ASPH: variants seen among roughly 807,000 people sequenced by gnomAD.
ASPH encodes the protein aspartyl/asparaginyl beta-hydroxylase.
ASPH carries 100 observed loss-of-function variants against 118.4 expected under a neutral mutation model. The observed-to-expected ratio is 0.84, with a 90% CI of 0.72 to 1.00. The LOEUF (loss-of-function observed/expected upper bound fraction) is 1.00, where lower values mean the gene tolerates loss of function less well. Among genes scored for constraint, ASPH ranks in the 50% least tolerant of loss-of-function variants. The probability of loss-of-function intolerance (pLI) is 0.00; values close to 1 mark genes in which losing one functional copy is unlikely to be tolerated. For missense variants in ASPH, 920 were observed against 919.5 expected (o/e 1.00, Z -0.01); for synonymous variants, 315 against 325.6 (o/e 0.97, Z 0.35).
intron 14 of ASPH, among the ~76,000 whole-genome samples, chr8:61,600,054 C>G (rs758108193): frequency 6.6e-6 from 1 of 152,018 alleles, no homozygotes; most frequent in Admixed American, 6.5e-5. Flanking sequence ...TAAAAAATAA[C>G]AGACCATGAT....
intron 14 of ASPH, among the ~76,000 whole-genome samples, chr8:61,602,497 A>G (rs1391903058): frequency 6.6e-6 from 1 of 151,406 alleles, no homozygotes; most frequent in African/African-American, 2.5e-5. Flanking sequence ...ACAATACTAA[A>G]CGGTAACAGA....
At chr8:61,685,949 A>T (rs1258256603) in intron 1 of ASPH, among the ~76,000 whole-genome samples, 2 of 152,058 alleles carry the variant, frequency 1.3e-5, no homozygotes, top group Non-Finnish European at 2.9e-5. Context: ...TTGTATTTTT[A>T]GTAGAGACAG....
In ASPH at chr8:61,695,847, C is replaced by T. The variant is rs73269267; in HGVS notation, c.104-11659G>A. The stretch of plus-strand genomic sequence containing the variant: ...TATGGTATGAGTAATCAAACTTCTT[C>T]TGCTAACACTTTAGAAATAAGGGAG... On this transcript the variant is annotated intron_variant, in intron 1 of 24. Coordinates refer to ENST00000379454, the MANE Select transcript of ASPH (RefSeq NM_004318.4). 5.3e-3 allele frequency among the ~76,000 whole-genome samples: 811 copies of T among 152,350 alleles called. 8 individuals are homozygous for T. Among genetic ancestry groups the T allele is most frequent in the African/African-American group, 0.019 (773 of 41,584 alleles).
At position 61,500,864 on chromosome 8, in the gene ASPH, A is replaced by ATAAT. The variant is rs767643456; in HGVS notation, c.*2491_*2494dup. On this transcript the variant is annotated 3_prime_UTR_variant, in exon 25 of 25. Transcript: ENST00000379454. ...TTGGGAGAGTTAATTTGTTAGCTAA[A>ATAAT]TAATTCAAGGGAAAGAGATTATTCA... The ATAAT allele has an allele frequency of 7.2e-5, 11 of 152,214 alleles. No individual in the cohort carries two copies. Among genetic ancestry groups the ATAAT allele is most frequent in the Non-Finnish European group, 1.3e-4 (9 of 68,032 alleles). The allele number at this position is 152,214 out of a possible 1,614,324, so 9.4% of individuals were successfully genotyped here. A position where few individuals can be genotyped will look rare whatever the true frequency, so the allele number is the denominator to read the frequency against.
At chr8:61,675,055 C>T (rs1824598193) in intron 3 of ASPH, among the ~76,000 whole-genome samples, 1 of 152,116 alleles carries the variant, frequency 6.6e-6, no homozygotes. Context: ...AGCTGCTACA[C>T]CTGTTTTGGT....
At chr8:61,632,865 C>T (rs77240460) in intron 13 of ASPH, among the ~76,000 whole-genome samples, 1,793 of 152,116 alleles carry the variant, frequency 0.012, 8 homozygotes, top group African/African-American at 0.019. Context: ...CACATCACTG[C>T]TACAAAATTC....
intron 1 of ASPH, among the ~76,000 whole-genome samples, chr8:61,696,576 T>C (rs1833972699): frequency 6.6e-6 from 1 of 152,122 alleles, no homozygotes; most frequent in Non-Finnish European, 1.5e-5. Flanking sequence ...CACAGGCTAG[T>C]TCCTCAAGCC....
rs572565902 is a variant in ASPH, at chr8:61,694,980, T to C, written c.104-10792A>G. Reference sequence around the variant, plus strand: ...TGTCCCAAAAACTCACCTCTCAAAATTGAGTTTATCATCTGGCTGTTGCAA... The same window carrying C: ...TGTCCCAAAAACTCACCTCTCAAAACTGAGTTTATCATCTGGCTGTTGCAA... On this transcript the variant is annotated intron_variant, in intron 1 of 24. Transcript: ENST00000379454. 8.7e-4 allele frequency among the ~76,000 whole-genome samples: 133 copies of C among 152,334 alleles called. 1 individual carries two copies. The highest frequency in any genetic ancestry group is 3.2e-3 in the African/African-American group (132 of 41,564).
intron 15 of ASPH, among the ~76,000 whole-genome samples, chr8:61,577,219 T>C (rs985559900): frequency 6.6e-6 from 1 of 151,782 alleles, no homozygotes; most frequent in East Asian, 1.9e-4. Flanking sequence ...GAGATATACC[T>C]AATGTACATG....
chr8:61,596,240 T>G (rs1452753740), intron 14 of ASPH, among the ~76,000 whole-genome samples: 2 of 152,140 alleles, frequency 1.3e-5, no homozygotes, highest in African/African-American at 4.8e-5. Flanking sequence ...TCCAGGGGCC[T>G]GAGGATGGGC....
intron 15 of ASPH, among the ~76,000 whole-genome samples, chr8:61,577,376 A>G (rs1362983127): frequency 7.4e-6 from 1 of 134,374 alleles, no homozygotes; most frequent in African/African-American, 2.7e-5. Flanking sequence ...AAAAAAAGAA[A>G]ATGGCAAGGA....
intron 21 of ASPH, among the ~76,000 whole-genome samples, chr8:61,539,985 T>C (rs1821252858): frequency 6.6e-6 from 1 of 152,176 alleles, no homozygotes; most frequent in Non-Finnish European, 1.5e-5. Flanking sequence ...TTTAATCCAT[T>C]TTTGTTTCAA....
At chr8:61,714,236 G>T in intron 1 of ASPH, 33 bp downstream of exon 1, 1 of 1,451,704 alleles carries the variant, frequency 6.9e-7, no homozygotes, top group East Asian at 3.0e-5. Flanking sequence ...CCCGAGGCGA[G>T]GCCCCAGATC....
intron 16 of ASPH, among the ~76,000 whole-genome samples, chr8:61,574,583 C>A (rs565260893): frequency 1.3e-5 from 2 of 152,148 alleles, no homozygotes; most frequent in Non-Finnish European, 2.9e-5. Flanking sequence ...TCATTCTCAG[C>A]AAACTAACAC....
intron 21 of ASPH, among the ~76,000 whole-genome samples, chr8:61,531,530 A>T (rs1817553270): frequency 1.3e-5 from 2 of 151,638 alleles, no homozygotes; most frequent in African/African-American, 4.8e-5. Context: ...TTGTTTTATA[A>T]TTTTTTTCTT....
chr8:61,557,530 C>T (rs1243112422), intron 18 of ASPH, among the ~76,000 whole-genome samples: 1 of 152,190 alleles, frequency 6.6e-6, no homozygotes, highest in East Asian at 1.9e-4. Flanking sequence ...AAACTGAACC[C>T]CCTCCATCCC....
intron 2 of ASPH, chr8:61,682,524 A>T: frequency 5.2e-6 from 8 of 1,548,854 alleles, no homozygotes; most frequent in Non-Finnish European, 7.1e-6. Context: ...ATTTGTGCTT[A>T]AAGGTACAAA....
At chr8:61,586,578 G>A (rs952082807) in intron 14 of ASPH, among the ~76,000 whole-genome samples, 2 of 152,052 alleles carry the variant, frequency 1.3e-5, no homozygotes, top group Admixed American at 6.6e-5. Context: ...CCAGTCGCCC[G>A]GCCACACACT....
chr8:61,549,921 TTTAA>T (rs1157209039), intron 20 of ASPH, among the ~76,000 whole-genome samples: 2 of 152,200 alleles, frequency 1.3e-5, no homozygotes, highest in East Asian at 1.9e-4. Flanking sequence ...AGTTCCGGCC[TTTAA>T]TTAGCCCTCG....
Sources: allele counts gnomAD v4.1 joint callset (sites outside exome capture counted in the v4.1 genomes callset), GRCh38; gene constraint gnomAD v4.1.1; transcripts MANE v1.5; gene names NCBI Gene and HGNC (gene_info 2026-07-23, HGNC 2026-07-21).